Variants in GAB2 observed in about 807,000 individuals in gnomAD.
The protein encoded by GAB2 is GRB2-associated-binding protein 2.
In GAB2, 26 loss-of-function variants were observed where a neutral mutation model predicts 65.5. That is an observed-to-expected ratio of 0.40 (90% confidence interval 0.29 to 0.55). The LOEUF (loss-of-function observed/expected upper bound fraction) is 0.55. Ranked by LOEUF, GAB2 falls within the 20% of genes least tolerant of loss-of-function variation. GAB2 has a pLI of 0.53. For synonymous variants in GAB2, 321 were observed against 329.6 expected, an observed-to-expected ratio of 0.97 and a Z score of 0.28; for missense variants, 884 against 875.8, an observed-to-expected ratio of 1.01 and a Z score of -0.12.
At chr11:78,319,118 G>C (rs768114101) in intron 1 of GAB2, among the ~76,000 whole-genome samples, 4 of 152,148 alleles carry the variant, frequency 2.6e-5, no homozygotes, top group Admixed American at 6.5e-5. Context: ...AAGGCTGTGA[G>C]CGTTTGGATG....
chr11:78,401,327 AC>A (rs1856969158), intron 1 of GAB2, among the ~76,000 whole-genome samples: 1 of 152,226 alleles, frequency 6.6e-6, no homozygotes, highest in African/African-American at 2.4e-5. Flanking sequence ...GGCAACTAGC[AC>A]TAGACTTTCT....
chr11:78,362,742 C>G, intron 1 of GAB2, among the ~76,000 whole-genome samples: 1 of 152,134 alleles, frequency 6.6e-6, no homozygotes, highest in Middle Eastern at 3.4e-3. Flanking sequence ...ACCTAAAATA[C>G]AAGAGCACAG....
rs796161663 is a variant in GAB2 at position 78,291,555 on chromosome 11, C to CTTTTTTTTTTTTTTTTTTTT, written c.76-10655_76-10654insAAAAAAAAAAAAAAAAAAAA. Among the ~76,000 whole-genome samples the CTTTTTTTTTTTTTTTTTTTT allele has an allele frequency of 5.4e-5, 3 of 55,054 alleles. 1 individual carries two copies. The highest frequency in any genetic ancestry group is 5.8e-4 in the Admixed American group (2 of 3,450). The allele number at this position is 55,054 out of a possible 152,430, so 36.1% of individuals were successfully genotyped here. On this transcript the variant is annotated intron_variant, in intron 1 of 9. Transcript: ENST00000361507. Reference sequence around the variant, plus strand: ...CCTATCTTGAGAGACTTACTTTTTTCTTTTTCTTTTTTTTTTTTTTTTTTT... The same window carrying CTTTTTTTTTTTTTTTTTTTT: ...CCTATCTTGAGAGACTTACTTTTTTCTTTTTTTTTTTTTTTTTTTTTTTTTCTTTTTTTTTTTTTTTTTTT...
rs749282969 is a variant in GAB2, at chr11:78,323,790, CTTTTT to C, written c.76-42894_76-42890del. 1.4e-3 allele frequency among the ~76,000 whole-genome samples: 110 copies of C among 77,258 alleles called. 1 individual carries two copies. The highest frequency in any genetic ancestry group is 5.0e-3 in the African/African-American group (101 of 20,070). The allele number at this position is 77,258 out of a possible 152,430, so 50.7% of individuals were successfully genotyped here. A position where few individuals can be genotyped will look rare whatever the true frequency, so the allele number is the denominator to read the frequency against. ...CTACACGTGTACCCCCTGAATCTTT[CTTTTT>C]TTTTTTTTTTTTTTTTTTTTGAGAC... is the stretch of plus-strand genomic sequence containing the variant. On this transcript the variant is annotated intron_variant, in intron 1 of 9. Coordinates refer to ENST00000361507, the MANE Select transcript of GAB2 (RefSeq NM_080491.3).
chr11:78,326,374 G>A (rs1855822826), intron 1 of GAB2, among the ~76,000 whole-genome samples: 1 of 152,102 alleles, frequency 6.6e-6, no homozygotes, highest in Non-Finnish European at 1.5e-5. Flanking sequence ...CTTTTAAGAG[G>A]ACTTCATTTC....
intron 1 of GAB2, chr11:78,364,073 C>G (rs1215599273): frequency 6.6e-6 from 1 of 151,994 alleles, no homozygotes; most frequent in African/African-American, 2.4e-5. Context: ...TCTTGTCAAG[C>G]AGATGTGGGG....
At chr11:78,282,598 T>C (rs933412258) in intron 1 of GAB2, among the ~76,000 whole-genome samples, 1 of 152,084 alleles carries the variant, frequency 6.6e-6, no homozygotes, top group African/African-American at 2.4e-5. Flanking sequence ...TGTGAGCCAC[T>C]GTGTACGCCC....
intron 1 of GAB2, among the ~76,000 whole-genome samples, chr11:78,311,365 G>C (rs1225631634): frequency 6.6e-6 from 1 of 151,670 alleles, no homozygotes; most frequent in Non-Finnish European, 1.5e-5. Context: ...TCCTAACCAG[G>C]TTGTTACAAG....
intron 8 of GAB2, among the ~76,000 whole-genome samples, chr11:78,221,334 TCA>T (rs1864414571): frequency 1.3e-5 from 2 of 152,180 alleles, no homozygotes; most frequent in Non-Finnish European, 2.9e-5. Context: ...CGTATGCCTC[TCA>T]CCACTGAGGA....
At chr11:78,250,454 C>G (rs1865422931) in intron 2 of GAB2, 54 bp from the exon 3 acceptor site, 1 of 1,522,116 alleles carries the variant, frequency 6.6e-7, no homozygotes, top group Non-Finnish European at 9.1e-7. Context: ...GTATCCTTAT[C>G]CCAAAGTGAG....
chr11:78,269,152 G>A (rs550097483), intron 2 of GAB2, among the ~76,000 whole-genome samples: 3 of 151,940 alleles, frequency 2.0e-5, no homozygotes, highest in Non-Finnish European at 4.4e-5. Context: ...AGCAGCCTCC[G>A]CCTCTGGGCT....
intron 1 of GAB2, among the ~76,000 whole-genome samples, chr11:78,347,239 A>G (rs911760040): frequency 1.2e-4 from 19 of 152,182 alleles, no homozygotes; most frequent in Admixed American, 1.2e-3. Context: ...CCCTGGTTCT[A>G]GTTTCCAACA....
chr11:78,252,772 C>T (rs1298860794), intron 2 of GAB2, among the ~76,000 whole-genome samples: 1 of 152,232 alleles, frequency 6.6e-6, no homozygotes, highest in African/African-American at 2.4e-5. Context: ...CTGAGCACCT[C>T]CCTTCAGACG....
chr11:78,261,589 A>G (rs1865734065), intron 2 of GAB2, among the ~76,000 whole-genome samples: 1 of 152,216 alleles, frequency 6.6e-6, no homozygotes, highest in African/African-American at 2.4e-5. Flanking sequence ...TAGCTGCGGC[A>G]GACCCTTCTC....
At chr11:78,383,301 C>A (rs1856720680) in intron 1 of GAB2, among the ~76,000 whole-genome samples, 1 of 151,914 alleles carries the variant, frequency 6.6e-6, no homozygotes, top group Non-Finnish European at 1.5e-5. Flanking sequence ...ATGAAATAAT[C>A]TTCCAGAAAA....
At chr11:78,291,471 C>CA (rs555665523) in intron 1 of GAB2, among the ~76,000 whole-genome samples, 4,103 of 95,254 alleles carry the variant, frequency 0.043, 126 homozygotes, top group African/African-American at 0.1. Context: ...GTCTCTGTCT[C>CA]AAAAAAAAAA....
At chr11:78,376,344 A>G (rs868671721) in intron 1 of GAB2, among the ~76,000 whole-genome samples, 2 of 152,242 alleles carry the variant, frequency 1.3e-5, no homozygotes, top group Admixed American at 6.5e-5. Flanking sequence ...CTGAGACAGT[A>G]CTTGCTGTGT....
intron 2 of GAB2, among the ~76,000 whole-genome samples, chr11:78,270,772 A>G (rs1420063288): frequency 2.0e-5 from 3 of 152,244 alleles, no homozygotes; most frequent in Non-Finnish European, 4.4e-5. Flanking sequence ...CTACAAGGAA[A>G]AAGTGAAGTG....
intron 1 of GAB2, among the ~76,000 whole-genome samples, chr11:78,414,713 C>T (rs913716886): frequency 1.3e-5 from 2 of 152,140 alleles, no homozygotes; most frequent in African/African-American, 4.8e-5. Context: ...TTCTCCAGGG[C>T]ACTCAGTAAA....
Sources: allele counts gnomAD v4.1 joint callset (sites outside exome capture counted in the v4.1 genomes callset), GRCh38; gene constraint gnomAD v4.1.1; transcripts MANE v1.5; gene names NCBI Gene and HGNC (gene_info 2026-07-23, HGNC 2026-07-21).